Variants in MCC observed in about 807,000 individuals in gnomAD.
MCC encodes the protein colorectal mutant cancer protein.
In MCC, 90 loss-of-function variants were observed where a neutral mutation model predicts 116.2. The observed-to-expected ratio is 0.77, with a 90% CI of 0.65 to 0.92. The LOEUF is 0.92. Among genes scored for constraint, MCC ranks in the 40% least tolerant of loss-of-function variants. The probability of loss-of-function intolerance (pLI) is 0.00; values close to 1 mark genes in which losing one functional copy is unlikely to be tolerated. For missense variants in MCC, 1,516 were observed against 1,312.2 expected (o/e 1.16, Z -2.40); for synonymous variants, 578 against 510.5 (o/e 1.13, Z -1.78).
chr5:113,256,927 C>G (rs901236474), intron 3 of MCC, among the ~76,000 whole-genome samples: 1 of 152,100 alleles, frequency 6.6e-6, no homozygotes, highest in Non-Finnish European at 1.5e-5. Flanking sequence ...GATTAAAACT[C>G]TCCTTGAGTT....
intron 3 of MCC, among the ~76,000 whole-genome samples, chr5:113,286,171 T>C (rs1346708029): frequency 6.6e-6 from 1 of 152,138 alleles, no homozygotes; most frequent in Non-Finnish European, 1.5e-5. Context: ...TGAACACAGA[T>C]AAGGGAAGGA....
chr5:113,400,152 T>C (rs978932471), intron 1 of MCC, among the ~76,000 whole-genome samples: 20 of 135,058 alleles, frequency 1.5e-4, no homozygotes, highest in African/African-American at 5.9e-4. Context: ...AGATGGAGTC[T>C]TACTGTGTCG....
chr5:113,270,958 G>A (rs999360636), intron 3 of MCC, among the ~76,000 whole-genome samples: 4 of 151,834 alleles, frequency 2.6e-5, no homozygotes, highest in Admixed American at 1.3e-4. Flanking sequence ...ATCTCTCCTT[G>A]GGGAAATTTA....
chr5:113,121,579 C>G (rs1472936832), intron 6 of MCC, among the ~76,000 whole-genome samples: 2 of 152,198 alleles, frequency 1.3e-5, no homozygotes, highest in Non-Finnish European at 2.9e-5. Flanking sequence ...TCTTGTAACC[C>G]TAGACTGAAT....
At chr5:113,287,086 G>C (rs1033429710) in intron 3 of MCC, among the ~76,000 whole-genome samples, 6 of 152,026 alleles carry the variant, frequency 3.9e-5, no homozygotes, top group African/African-American at 1.4e-4. Context: ...ATATGGGGGA[G>C]GAAAGAGGGT....
intron 1 of MCC, among the ~76,000 whole-genome samples, chr5:113,402,667 C>G (rs6870401): frequency 0.17 from 26,054 of 152,124 alleles, 2,451 homozygotes; most frequent in Non-Finnish European, 0.22. Context: ...TTATTCTACT[C>G]ACTCTCTCAG....
At chr5:113,356,924 T>C (rs939230049) in intron 2 of MCC, among the ~76,000 whole-genome samples, 5 of 152,208 alleles carry the variant, frequency 3.3e-5, no homozygotes, top group Non-Finnish European at 7.4e-5. Flanking sequence ...GCCTATGAAT[T>C]GCCACAACAT....
chr5:113,068,151 A>G lies in MCC; in HGVS notation c.1958T>C (p.Leu653Pro). 1 of 1,614,156 alleles carries G rather than the reference A, an allele frequency of 6.2e-7. No individual in the cohort carries two copies. The highest frequency in any genetic ancestry group is 8.5e-7 in the Non-Finnish European group (1 of 1,179,996). Residue 653 changes from leucine (L) to proline (P), a missense_variant, in exon 13 of 19, where the codon CTG becomes CCG. By Grantham distance (98) the Leu-to-Pro change is moderately conservative (BLOSUM62 -3). Coordinates refer to ENST00000408903, the MANE Select transcript of MCC (RefSeq NM_001085377.2). The part of the protein sequence containing the change: ...EQCIEAYELL[L>P]ALAESEQSLI... ...GCTCTGCTCACTCTCTGCCAGCGCCAGGAGGAGTTCGTAGGCTTCGATGCA... is the reference window on the plus strand; with the variant it reads ...GCTCTGCTCACTCTCTGCCAGCGCCGGGAGGAGTTCGTAGGCTTCGATGCA...
intron 1 of MCC, among the ~76,000 whole-genome samples, chr5:113,484,022 A>G (rs1199427161): frequency 6.6e-6 from 1 of 152,208 alleles, no homozygotes; most frequent in Non-Finnish European, 1.5e-5. Context: ...AGAGGGGAAC[A>G]ACACGCACTG....
chr5:113,454,176 C>T (rs1771478092), intron 1 of MCC, among the ~76,000 whole-genome samples: 1 of 152,140 alleles, frequency 6.6e-6, no homozygotes, highest in Admixed American at 6.6e-5. Flanking sequence ...AAGATCATAG[C>T]TCGATGCAGC....
In MCC at chr5:113,109,015, C is replaced by G. The variant is rs13436294; in HGVS notation, c.1028-4660G>C. On this transcript the variant is annotated intron_variant, in intron 6 of 18. Transcript: ENST00000408903. ...GGAGCAGGTATTCTGTGTCCCCTCT[C>G]AAGGTACTACGTCAAGGTACCAAGC... 1.8e-3 allele frequency among the ~76,000 whole-genome samples: 267 copies of G among 152,318 alleles called. 3 individuals are homozygous for G. The highest frequency in any genetic ancestry group is 5.8e-3 in the African/African-American group (243 of 41,552).
chr5:113,064,886 T>C (rs1753481102), intron 13 of MCC, among the ~76,000 whole-genome samples: 1 of 152,100 alleles, frequency 6.6e-6, no homozygotes, highest in Admixed American at 6.5e-5. Flanking sequence ...AAGACAGAAC[T>C]ATAGAGATAT....
In MCC at chr5:113,312,407, T is replaced by G. The variant is rs1268282224; in HGVS notation, c.627+28112A>C. Reference sequence around the variant, plus strand: ...AAGGAACATTTCTTTAAGGAAGAGATGTCTGACCTAAGATCTGGAAGACAT... The same window carrying G: ...AAGGAACATTTCTTTAAGGAAGAGAGGTCTGACCTAAGATCTGGAAGACAT... On this transcript the variant is annotated intron_variant, in intron 3 of 18. Coordinates refer to ENST00000408903, the MANE Select transcript of MCC (RefSeq NM_001085377.2). Among the ~76,000 whole-genome samples the G allele has an allele frequency of 2.6e-5, 4 of 152,216 alleles. No individual in the cohort carries two copies. The East Asian group carries it at 7.7e-4, about 29-fold the overall frequency.
At chr5:113,312,414 C>A (rs919751121) in intron 3 of MCC, among the ~76,000 whole-genome samples, 1 of 152,096 alleles carries the variant, frequency 6.6e-6, no homozygotes, top group Non-Finnish European at 1.5e-5. Context: ...AGATGTCTGA[C>A]CTAAGATCTG....
intron 3 of MCC, among the ~76,000 whole-genome samples, chr5:113,309,866 C>T (rs911970059): frequency 3.3e-5 from 5 of 151,066 alleles, no homozygotes; most frequent in Non-Finnish European, 7.4e-5. Flanking sequence ...CCCTCCCTCT[C>T]GCCCTTCCCC....
At position 113,397,127 on chromosome 5, in the gene MCC, T is replaced by A. The variant is rs72797942; in HGVS notation, c.171-11915A>T. ...TGTAGTCTGGAAACACATGTGATAA[T>A]AACATGAAGAGTTATGAAGGAAAGG... On this transcript the variant is annotated intron_variant, in intron 1 of 18. Transcript: ENST00000408903. Among the ~76,000 whole-genome samples, 815 of 152,302 alleles carry A rather than the reference T, an allele frequency of 5.4e-3. 4 individuals carry two copies. Among genetic ancestry groups the A allele is most frequent in the Middle Eastern group, 0.024 (7 of 294 alleles).
intron 1 of MCC, among the ~76,000 whole-genome samples, chr5:113,481,147 A>G (rs552193466): frequency 1.3e-4 from 20 of 152,328 alleles, no homozygotes; most frequent in Admixed American, 1.1e-3. Context: ...GAAGTTTTAG[A>G]ATTATTTTAA....
chr5:113,061,107 C>T (rs1033734135), intron 14 of MCC, among the ~76,000 whole-genome samples: 34 of 152,242 alleles, frequency 2.2e-4, no homozygotes, highest in Admixed American at 1.3e-4. Flanking sequence ...AGCTCTGCTG[C>T]TGTCCAGTCC....
At chr5:113,445,626 T>C (rs1771190138) in intron 1 of MCC, among the ~76,000 whole-genome samples, 1 of 152,172 alleles carries the variant, frequency 6.6e-6, no homozygotes, top group Non-Finnish European at 1.5e-5. Context: ...TCCATGCTCA[T>C]GGATTGGAAA....
Sources: allele counts gnomAD v4.1 joint callset (sites outside exome capture counted in the v4.1 genomes callset), GRCh38; gene constraint gnomAD v4.1.1; transcripts MANE v1.5; gene names NCBI Gene and HGNC (gene_info 2026-07-23, HGNC 2026-07-21).